Variants in OLFM2 observed in about 807,000 individuals in gnomAD.
The protein encoded by OLFM2 is noelin-2.
Under a neutral mutation model 43.9 loss-of-function variants are expected in OLFM2, and 20 were observed. The ratio of observed to expected loss-of-function variants is 0.46; its 90% CI spans 0.32 to 0.66. The LOEUF is 0.66. Ranked by LOEUF, OLFM2 falls within the 30% of genes least tolerant of loss-of-function variation. OLFM2 has a pLI of 0.04. For synonymous variants in OLFM2, 268 were observed against 278.6 expected (o/e 0.96, Z 0.38); for missense variants, 416 against 643.6 (o/e 0.65, Z 3.83).
intron 1 of OLFM2, among the ~76,000 whole-genome samples, chr19:9,930,844 C>A (rs1209026395): frequency 6.6e-6 from 1 of 151,880 alleles, no homozygotes; most frequent in Admixed American, 6.6e-5. Context: ...CACAGCAAGA[C>A]TCTGTTTCAA....
intron 1 of OLFM2, among the ~76,000 whole-genome samples, chr19:9,862,349 G>T (rs1411156476): frequency 6.6e-6 from 1 of 152,000 alleles, no homozygotes; most frequent in Non-Finnish European, 1.5e-5. Flanking sequence ...GAAGGCAGGG[G>T]ACATTTCTAT....
At chr19:9,860,920 C>T (rs2046361764) in intron 1 of OLFM2, 126 bp from the exon 2 acceptor site, 1 of 962,718 alleles carries the variant, frequency 1.0e-6, no homozygotes, top group Non-Finnish European at 1.5e-6. Context: ...TATGCCAGTG[C>T]CTGTTGTGTG....
Position 9,857,413 on chromosome 19 carries a change from G to A in OLFM2, c.430C>T (p.Arg144Trp), listed in dbSNP as rs188473602. The change falls in exon 4 of 6, where the codon CGG becomes TGG. Residue 144 changes from arginine to tryptophan, a missense_variant. Transcript: ENST00000264833. The surrounding 1 kb of genome is among the most constrained non-coding windows in gnomAD (Gnocchi z 5.7). ...SVLEQYKADTRTIVRLREEVR... is the reference protein window; with the variant it reads ...SVLEQYKADTWTIVRLREEVR... ...TCCTCCCGCAAGCGTACAATGGTCC[G>A]CGTGTCTGCCTTGTACTGCTCCAGG... 35 of 1,613,982 alleles carry A rather than the reference G, an allele frequency of 2.2e-5. No homozygotes were observed. The highest frequency in any genetic ancestry group is 5.3e-5 in the African/African-American group (4 of 74,896).
rs746013094 is a variant in OLFM2, at chr19:9,857,782, G to C, written c.293C>G (p.Thr98Ser). Residue 98 changes from threonine to serine, a missense_variant, in exon 3 of 6, where the codon ACC (threonine) becomes AGC (serine). Transcript: ENST00000264833. The surrounding 1 kb of genome is among the most constrained non-coding windows in gnomAD (Gnocchi z 5.7). ...RDLQYVRGME[T>S]LMRSLDARLR... ...CCGCGCATCCAGGCTCCGCATGAGG[G>C]TCTCCATGCCGCGTACATACTGGAG... 4 of 1,614,140 alleles carry C rather than the reference G, an allele frequency of 2.5e-6. No individual in the cohort carries two copies. The highest frequency in any genetic ancestry group is 3.4e-6 in the Non-Finnish European group (4 of 1,180,028).
At chr19:9,911,531 A>G (rs1436130379) in intron 1 of OLFM2, among the ~76,000 whole-genome samples, 3 of 152,110 alleles carry the variant, frequency 2.0e-5, no homozygotes, top group Admixed American at 2.0e-4. Flanking sequence ...AGGGCATCCT[A>G]CCCACATGCA....
At chr19:9,894,302 G>A (rs1394164564) in intron 1 of OLFM2, among the ~76,000 whole-genome samples, 1 of 150,936 alleles carries the variant, frequency 6.6e-6, no homozygotes, top group Non-Finnish European at 1.5e-5. Flanking sequence ...CTGAGCCCAG[G>A]TAAGTCACGG....
intron 1 of OLFM2, among the ~76,000 whole-genome samples, chr19:9,916,971 G>A (rs890723351): frequency 8.6e-5 from 13 of 151,970 alleles, no homozygotes; most frequent in African/African-American, 2.7e-4. Context: ...CTGTGCCGTC[G>A]CTGTCTCCTG....
chr19:9,901,639 T>C (rs538331701), intron 1 of OLFM2, among the ~76,000 whole-genome samples: 2 of 152,248 alleles, frequency 1.3e-5, no homozygotes, highest in Admixed American at 1.3e-4. Flanking sequence ...CTTTGAGATC[T>C]CGCTTTGCCA....
rs569299847 is a variant in OLFM2 at position 9,872,156 on chromosome 19, G to C, written c.64-11362C>G. On this transcript the variant is annotated intron_variant, in intron 1 of 5. Coordinates refer to ENST00000264833, the MANE Select transcript of OLFM2 (RefSeq NM_058164.4). ...GGAAAGCTTGAGATAATAGCAGCCTGCTCTTGTCAAACCTTGAGGTATTGG... is the reference window on the plus strand; with the variant it reads ...GGAAAGCTTGAGATAATAGCAGCCTCCTCTTGTCAAACCTTGAGGTATTGG... Among the ~76,000 whole-genome samples the C allele has an allele frequency of 3.0e-3, 457 of 152,300 alleles. 2 individuals carry two copies. Among genetic ancestry groups the C allele is most frequent in the Non-Finnish European group, 5.2e-3 (351 of 68,036 alleles).
intron 1 of OLFM2, among the ~76,000 whole-genome samples, chr19:9,873,941 A>T (rs568052943): frequency 6.6e-6 from 1 of 150,720 alleles, no homozygotes; most frequent in Non-Finnish European, 1.5e-5. Context: ...GTGGGCCACC[A>T]TGCCTACCTA....
intron 1 of OLFM2, among the ~76,000 whole-genome samples, chr19:9,872,717 T>G (rs967829231): frequency 1.5e-4 from 23 of 151,274 alleles, no homozygotes; most frequent in Admixed American, 7.9e-4. Flanking sequence ...CATCCATCTA[T>G]CCATTCATTC....
Position 9,872,387 on chromosome 19 carries a change from A to G in OLFM2, c.64-11593T>C, listed in dbSNP as rs187980105. Reference sequence around the variant, plus strand: ...TAATTTAGCCAGGCATGGTGGCACGAGCCTGTGGTCCCAGCTACTCAGAAG... The same window carrying G: ...TAATTTAGCCAGGCATGGTGGCACGGGCCTGTGGTCCCAGCTACTCAGAAG... On this transcript the variant is annotated intron_variant, in intron 1 of 5. Transcript: ENST00000264833. 1.4e-3 allele frequency among the ~76,000 whole-genome samples: 211 copies of G among 152,120 alleles called. 4 individuals are homozygous for G. The highest frequency in any genetic ancestry group is 4.8e-3 in the African/African-American group (198 of 41,494).
At chr19:9,886,742 T>C (rs918124346) in intron 1 of OLFM2, among the ~76,000 whole-genome samples, 10 of 152,040 alleles carry the variant, frequency 6.6e-5, no homozygotes, top group East Asian at 1.9e-4. Context: ...TTCTTTCTTT[T>C]TTTTAAATCT....
In OLFM2 at chr19:9,931,714, TA is replaced by T. The variant is rs778511487; in HGVS notation, c.63+4589del. 1.6e-3 allele frequency among the ~76,000 whole-genome samples: 214 copies of T among 133,796 alleles called. 1 individual carries two copies. Among genetic ancestry groups the T allele is most frequent in the Non-Finnish European group, 1.7e-3 (107 of 61,542 alleles). The allele number at this position is 133,796 out of a possible 152,430, so 87.8% of individuals were successfully genotyped here. Reference sequence around the variant, plus strand: ...ACAGAACAAGACTCCATCTCAAAAATAAAAAAAAAAAAAGAAATAAAAAGAA... The same window carrying T: ...ACAGAACAAGACTCCATCTCAAAAATAAAAAAAAAAAAGAAATAAAAAGAA... On this transcript the variant is annotated intron_variant, in intron 1 of 5. Transcript: ENST00000264833.
chr19:9,903,057 A>G (rs1413602446), intron 1 of OLFM2, among the ~76,000 whole-genome samples: 1 of 151,230 alleles, frequency 6.6e-6, no homozygotes, highest in African/African-American at 2.4e-5. Flanking sequence ...TGCCTGGCTG[A>G]TTTTTACATA....
chr19:9,861,193 G>C (rs904311902), intron 1 of OLFM2, among the ~76,000 whole-genome samples: 1 of 148,608 alleles, frequency 6.7e-6, no homozygotes, highest in African/African-American at 2.5e-5. Flanking sequence ...CTATCTCAGG[G>C]CCACTTAATG....
At chr19:9,906,300 A>AG (rs1599492900) in intron 1 of OLFM2, among the ~76,000 whole-genome samples, 2 of 147,628 alleles carry the variant, frequency 1.4e-5, no homozygotes, top group South Asian at 2.1e-4. Context: ...GCGGGCACAC[A>AG]GGGTGGGGGA....
intron 1 of OLFM2, among the ~76,000 whole-genome samples, chr19:9,865,485 CTTTTTT>C (rs71188847): frequency 2.9e-4 from 21 of 73,642 alleles, no homozygotes; most frequent in African/African-American, 2.3e-4. Flanking sequence ...TCTGTTTTTT[CTTTTTT>C]TTTTTTTTTT....
chr19:9,867,403 C>T (rs1022867122), intron 1 of OLFM2, among the ~76,000 whole-genome samples: 3 of 151,978 alleles, frequency 2.0e-5, no homozygotes, highest in South Asian at 2.1e-4. Context: ...CAAAAAAAAA[C>T]AATTCCTGGT....
Sources: allele counts gnomAD v4.1 joint callset (sites outside exome capture counted in the v4.1 genomes callset), GRCh38; gene constraint gnomAD v4.1.1; non-coding constraint Gnocchi (gnomAD v3.1); transcripts MANE v1.5; gene names NCBI Gene and HGNC (gene_info 2026-07-23, HGNC 2026-07-21).